The following ST6GALNAC3 variants were observed in gnomAD, a reference collection of about 807,000 sequenced individuals.
The protein encoded by ST6GALNAC3 is ST6 N-acetylgalactosaminide alpha-2,6-sialyltransferase 3.
ST6GALNAC3 carries 25 observed loss-of-function variants against 32.7 expected under a neutral mutation model. The observed-to-expected ratio is 0.76, with a 90% CI of 0.56 to 1.07. The LOEUF (loss-of-function observed/expected upper bound fraction) is 1.07, where lower values mean the gene tolerates loss of function less well. Ranked by LOEUF, ST6GALNAC3 falls within the 50% of genes least tolerant of loss-of-function variation. The pLI is 0.00. For synonymous variants in ST6GALNAC3, 129 were observed against 133.1 expected (o/e 0.97, Z 0.21); for missense variants, 355 against 382.4 (o/e 0.93, Z 0.60).
At chr1:76,535,030 A>G (rs1433597153) in intron 3 of ST6GALNAC3, among the ~76,000 whole-genome samples, 1 of 152,182 alleles carries the variant, frequency 6.6e-6, no homozygotes, top group African/African-American at 2.4e-5. Flanking sequence ...CAATTTTTCA[A>G]CATGAAATAA....
intron 2 of ST6GALNAC3, among the ~76,000 whole-genome samples, chr1:76,372,243 GGTGT>G (rs1303180902): frequency 2.0e-5 from 3 of 151,878 alleles, no homozygotes; most frequent in African/African-American, 7.3e-5. Flanking sequence ...ACTGAAACTG[GGTGT>G]GTAGTCCTTG....
intron 1 of ST6GALNAC3, among the ~76,000 whole-genome samples, chr1:76,212,379 G>A (rs887636094): frequency 6.6e-6 from 1 of 152,120 alleles, no homozygotes; most frequent in Non-Finnish European, 1.5e-5. Context: ...ATTCTCAAAG[G>A]GCTCGGCAGG....
At chr1:76,461,821 T>C (rs1447846489) in intron 3 of ST6GALNAC3, among the ~76,000 whole-genome samples, 1 of 152,216 alleles carries the variant, frequency 6.6e-6, no homozygotes, top group Non-Finnish European at 1.5e-5. Flanking sequence ...GTGATTGTTA[T>C]TACCCTCTCA....
intron 1 of ST6GALNAC3, among the ~76,000 whole-genome samples, chr1:76,143,864 G>A (rs1650502038): frequency 6.6e-6 from 1 of 152,150 alleles, no homozygotes; most frequent in South Asian, 2.1e-4. Context: ...TTGGAGTTAT[G>A]GGGAACAGTG....
At chr1:76,494,140 C>T (rs1043620284) in intron 3 of ST6GALNAC3, among the ~76,000 whole-genome samples, 4 of 151,936 alleles carry the variant, frequency 2.6e-5, no homozygotes, top group Non-Finnish European at 5.9e-5. Flanking sequence ...GTGCCTTTTT[C>T]CTGATACATT....
intron 1 of ST6GALNAC3, among the ~76,000 whole-genome samples, chr1:76,240,638 G>A (rs1656908726): frequency 6.6e-6 from 1 of 152,180 alleles, no homozygotes; most frequent in African/African-American, 2.4e-5. Flanking sequence ...GAGCAATCTT[G>A]GAAGCCAGTC....
At chr1:76,312,906 T>C (rs1646793972) in intron 1 of ST6GALNAC3, among the ~76,000 whole-genome samples, 1 of 152,212 alleles carries the variant, frequency 6.6e-6, no homozygotes, top group Non-Finnish European at 1.5e-5. Context: ...TTCACACATA[T>C]CTGTCAATTA....
At chr1:76,373,234 G>A (rs11162133) in intron 2 of ST6GALNAC3, among the ~76,000 whole-genome samples, 28,868 of 152,136 alleles carry the variant, frequency 0.19, 3,395 homozygotes, top group Admixed American at 0.3. Flanking sequence ...GCAAACTCGG[G>A]TTCAAATTAT....
chr1:76,314,164 G>A (rs1302311918), intron 2 of ST6GALNAC3, among the ~76,000 whole-genome samples, 165 bp downstream of exon 2: 1 of 152,034 alleles, frequency 6.6e-6, no homozygotes, highest in African/African-American at 2.4e-5. Context: ...GACATTTACT[G>A]ACAAATGTCT....
intron 1 of ST6GALNAC3, among the ~76,000 whole-genome samples, chr1:76,269,915 G>A (rs1446818322): frequency 4.7e-5 from 7 of 148,586 alleles, no homozygotes; most frequent in Non-Finnish European, 8.8e-5. Flanking sequence ...TGTGTGCCTG[G>A]AACCCAGGGA....
intron 1 of ST6GALNAC3, among the ~76,000 whole-genome samples, chr1:76,241,051 CTG>C (rs990655644): frequency 2.0e-5 from 3 of 152,046 alleles, no homozygotes; most frequent in Non-Finnish European, 4.4e-5. Flanking sequence ...ATTTAACTTC[CTG>C]GTTACCAGGT....
chr1:76,485,307 C>A (rs1358357512), intron 3 of ST6GALNAC3, among the ~76,000 whole-genome samples: 1 of 152,172 alleles, frequency 6.6e-6, no homozygotes, highest in Non-Finnish European at 1.5e-5. Flanking sequence ...GTACCAGCTC[C>A]TCCTTGTACC....
chr1:76,390,472 T>A (rs1237511509), intron 2 of ST6GALNAC3, among the ~76,000 whole-genome samples: 1 of 152,240 alleles, frequency 6.6e-6, no homozygotes, highest in Non-Finnish European at 1.5e-5. Context: ...TTCCAAAACT[T>A]AGCTACAGTT....
rs138251196 is a variant in ST6GALNAC3, at chr1:76,198,250, G to A, written c.19-115555G>A. Among the ~76,000 whole-genome samples the A allele has an allele frequency of 1.7e-3, 262 of 152,228 alleles. 1 individual carries two copies. Among genetic ancestry groups the A allele is most frequent in the African/African-American group, 5.9e-3 (246 of 41,542 alleles). On this transcript the variant is annotated intron_variant, in intron 1 of 4. Coordinates refer to ENST00000328299, the MANE Select transcript of ST6GALNAC3 (RefSeq NM_152996.4). Reference sequence around the variant, plus strand: ...GAAGTCTTGCTATGCTTCCCAGGCTGGTCTCAAACGCTTGAGCTCAAGTGA... The same window carrying A: ...GAAGTCTTGCTATGCTTCCCAGGCTAGTCTCAAACGCTTGAGCTCAAGTGA...
At chr1:76,180,575 T>C (rs1653114235) in intron 1 of ST6GALNAC3, among the ~76,000 whole-genome samples, 1 of 152,060 alleles carries the variant, frequency 6.6e-6, no homozygotes. Flanking sequence ...TATACCCATA[T>C]AAACCCTGAA....
At chr1:76,111,917 C>T (rs558626214) in intron 1 of ST6GALNAC3, among the ~76,000 whole-genome samples, 10 of 152,200 alleles carry the variant, frequency 6.6e-5, no homozygotes, top group African/African-American at 2.2e-4. Context: ...ACAAAACCGC[C>T]GTTGTCATCA....
At chr1:76,397,797 G>A (rs540200905) in intron 2 of ST6GALNAC3, among the ~76,000 whole-genome samples, 1 of 152,070 alleles carries the variant, frequency 6.6e-6, no homozygotes, top group South Asian at 2.1e-4. Context: ...GTATTGTTTT[G>A]TTTTGTTTTG....
chr1:76,314,180 T>TGCCA (rs1646823983), intron 2 of ST6GALNAC3, among the ~76,000 whole-genome samples, 181 bp downstream of exon 2: 1 of 152,126 alleles, frequency 6.6e-6, no homozygotes, highest in Admixed American at 6.6e-5. Context: ...TGTCTAAATC[T>TGCCA]GCCACCCCTC....
intron 2 of ST6GALNAC3, among the ~76,000 whole-genome samples, chr1:76,361,886 G>A (rs1472748034): frequency 1.3e-5 from 2 of 151,040 alleles, no homozygotes; most frequent in African/African-American, 4.9e-5. Flanking sequence ...GCTGAAGCAG[G>A]AGAATCACTT....
Sources: gnomAD v4.1 joint callset for allele counts (sites outside exome capture counted in the v4.1 genomes callset) on GRCh38, gnomAD v4.1.1 for gene constraint, MANE v1.5 for transcripts, NCBI Gene and HGNC (gene_info 2026-07-23, HGNC 2026-07-21) for gene names.